Variants in ZBTB22 observed in about 807,000 individuals in gnomAD.
ZBTB22 encodes the protein zinc finger and BTB domain-containing protein 22.
For synonymous variants in ZBTB22, 356 were observed against 347.3 expected, an observed-to-expected ratio of 1.03 and a Z score of -0.28; for missense variants, 668 against 834.1, an observed-to-expected ratio of 0.80 and a Z score of 2.45.
In ZBTB22 at chr6:33,315,521, C is replaced by T; in HGVS notation, c.1396G>A (p.Val466Met). The T allele has an allele frequency of 6.2e-7, 1 of 1,613,920 alleles. No individual in the cohort carries two copies. The highest frequency in any genetic ancestry group is 8.5e-7 in the Non-Finnish European group (1 of 1,179,966). ...GGGACCCCACCAACGCTACCCGGCACACCCAGGCTCCCCACCGACGTGCCC... is the reference window on the plus strand; with the variant it reads ...GGGACCCCACCAACGCTACCCGGCATACCCAGGCTCCCCACCGACGTGCCC... ...VGGTSVGSLG[V>M]PGSVGGVPGG... The change falls in exon 2 of 2, where the codon GTG becomes ATG. Residue 466 changes from valine to methionine, a missense_variant. Coordinates refer to ENST00000431845, the MANE Select transcript of ZBTB22 (RefSeq NM_005453.5). The surrounding 1 kb of genome is among the most constrained non-coding windows in gnomAD (Gnocchi z 5.4).
In ZBTB22 at chr6:33,315,248, T is replaced by A. The variant is rs753262338; in HGVS notation, c.1669A>T (p.Met557Leu). 1 of 1,613,454 alleles carries A rather than the reference T, an allele frequency of 6.2e-7. No homozygotes were observed. The highest frequency in any genetic ancestry group is 8.5e-7 in the Non-Finnish European group (1 of 1,179,860). Reference sequence around the variant, plus strand: ...CGCTCACAGTGTCCTCGGTGGCGCATGAAGCTGTCTCGCCACATGAACTTC... The same window carrying A: ...CGCTCACAGTGTCCTCGGTGGCGCAAGAAGCTGTCTCGCCACATGAACTTC... Reference protein sequence around the residue: ...AKKFMWRDSFMRHRGHCERRH... With the variant: ...AKKFMWRDSFLRHRGHCERRH... The change falls in exon 2 of 2, where the codon ATG (methionine) becomes TTG (leucine). Residue 557 changes from methionine (M) to leucine (L), a missense_variant. Met to Leu is a conservative substitution (Grantham distance 15). Coordinates refer to ENST00000431845, the MANE Select transcript of ZBTB22 (RefSeq NM_005453.5). This position sits in a 1 kb window ranked among gnomAD's most constrained non-coding sequence, Gnocchi z 5.4.
rs757342658 is a variant in ZBTB22 at position 33,315,493 on chromosome 6, C to G, written c.1424G>C (p.Gly475Ala). The change falls in exon 2 of 2, where the codon GGA becomes GCA. Residue 475 changes from glycine to alanine, a missense_variant. Gly to Ala is a moderately conservative substitution (Grantham distance 60). Coordinates refer to ENST00000431845, the MANE Select transcript of ZBTB22 (RefSeq NM_005453.5). This position sits in a 1 kb window ranked among gnomAD's most constrained non-coding sequence, Gnocchi z 5.4. The stretch of plus-strand genomic sequence containing the variant: ...ATTCCCGTCCCCACTGCCAGTCCCT[C>G]CAGGGACCCCACCAACGCTACCCGG... ...GVPGSVGGVP[G>A]GTGSGDGNKI... 20 of 1,613,934 alleles carry G rather than the reference C, an allele frequency of 1.2e-5. No homozygotes were observed. Among genetic ancestry groups the G allele is most frequent in the Non-Finnish European group, 1.4e-5 (17 of 1,180,010 alleles).
At position 33,315,513 on chromosome 6, in the gene ZBTB22, A is replaced by C. The variant is rs746132232; in HGVS notation, c.1404T>G (p.Gly468=). The change falls in exon 2 of 2, where the codon GGT becomes GGG. Residue 468 remains glycine, a synonymous_variant. Transcript: ENST00000431845. The surrounding 1 kb of genome is among the most constrained non-coding windows in gnomAD (Gnocchi z 5.4). ...TCCCTCCAGGGACCCCACCAACGCTACCCGGCACACCCAGGCTCCCCACCG... is the reference window on the plus strand; with the variant it reads ...TCCCTCCAGGGACCCCACCAACGCTCCCCGGCACACCCAGGCTCCCCACCG... The part of the protein sequence containing the change: ...GTSVGSLGVP[G]SVGGVPGGTG... 1.2e-6 allele frequency: 2 copies of C among 1,612,850 alleles called. No homozygotes were observed. Among genetic ancestry groups the C allele is most frequent in the Admixed American group, 3.3e-5 (2 of 59,910 alleles).
At position 33,315,279 on chromosome 6, in the gene ZBTB22, G is replaced by A. The variant is rs1375609218; in HGVS notation, c.1638C>T (p.Cys546=). Reference sequence around the variant, plus strand: ...TGTCTCGCCACATGAACTTCTTGGCGCAGACTCCGCACTCGTAGGGCTTGA... The same window carrying A: ...TGTCTCGCCACATGAACTTCTTGGCACAGACTCCGCACTCGTAGGGCTTGA... ...TGLKPYECGV[C]AKKFMWRDSF... Residue 546 remains cysteine, a synonymous_variant, in exon 2 of 2, where the codon TGC becomes TGT. Coordinates refer to ENST00000431845, the MANE Select transcript of ZBTB22 (RefSeq NM_005453.5). The surrounding 1 kb of genome is among the most constrained non-coding windows in gnomAD (Gnocchi z 5.4). The A allele has an allele frequency of 2.5e-6, 4 of 1,613,916 alleles. No homozygotes were observed. The highest frequency in any genetic ancestry group is 3.4e-6 in the Non-Finnish European group (4 of 1,179,986).
Position 33,316,003 on chromosome 6 carries a change from T to C in ZBTB22, c.914A>G (p.Asn305Ser). Residue 305 changes from asparagine to serine, a missense_variant, in exon 2 of 2, where the codon AAT (asparagine) becomes AGT (serine). By Grantham distance (46) the Asn-to-Ser change is conservative. Transcript: ENST00000431845. The surrounding 1 kb of genome is among the most constrained non-coding windows in gnomAD (Gnocchi z 7.2). ...AACCAGGGGTGTTGGCGCTGGGCAA[T>C]TACCACCTCGCTTCACGTATACCCA... is the stretch of plus-strand genomic sequence containing the variant. ...KHWVYVKRGG[N>S]CPAPTPLVPQ... is the part of the protein sequence containing the mutation. 6.2e-7 allele frequency: 1 copy of C among 1,614,072 alleles called. No individual in the cohort carries two copies. The highest frequency in any genetic ancestry group is 1.6e-4 in the Middle Eastern group (1 of 6,062).
chr6:33,317,020 T>C, intron 1 of ZBTB22, 35 bp from the exon 2 acceptor site: 3 of 1,362,074 alleles, frequency 2.2e-6, no homozygotes, highest in East Asian at 2.5e-5. Flanking sequence ...AATGATAACA[T>C]CTCATAACGA....
In ZBTB22 at chr6:33,316,554, A is replaced by T; in HGVS notation, c.363T>A (p.Ala121=). ...SAYTGRLSMA[A]ADIVNFLTVG... is the part of the protein sequence containing the mutation. Reference sequence around the variant, plus strand: ...CTGTAAGGAAGTTGACAATGTCAGCAGCAGCCATGCTGAGGCGGCCAGTGT... The same window carrying T: ...CTGTAAGGAAGTTGACAATGTCAGCTGCAGCCATGCTGAGGCGGCCAGTGT... Residue 121 remains alanine, a synonymous_variant, in exon 2 of 2, where the codon GCT becomes GCA. Coordinates refer to ENST00000431845, the MANE Select transcript of ZBTB22 (RefSeq NM_005453.5). This position sits in a 1 kb window ranked among gnomAD's most constrained non-coding sequence, Gnocchi z 7.2. The T allele has an allele frequency of 6.2e-7, 1 of 1,614,216 alleles. No homozygotes were observed. The highest frequency in any genetic ancestry group is 8.5e-7 in the Non-Finnish European group (1 of 1,180,046).
Position 33,315,233 on chromosome 6 carries a change from G to A in ZBTB22, c.1684C>T (p.His562Tyr). The A allele has an allele frequency of 6.2e-7, 1 of 1,613,396 alleles. No homozygotes were observed. The highest frequency in any genetic ancestry group is 1.3e-5 in the African/African-American group (1 of 75,064). The change falls in exon 2 of 2, where the codon CAC becomes TAC. Residue 562 changes from histidine to tyrosine, a missense_variant. Physicochemically the swap from His to Tyr is moderately conservative, Grantham distance 83. Coordinates refer to ENST00000431845, the MANE Select transcript of ZBTB22 (RefSeq NM_005453.5). The surrounding 1 kb of genome is among the most constrained non-coding windows in gnomAD (Gnocchi z 5.4). The part of the protein sequence containing the change: ...WRDSFMRHRG[H>Y]CERRHRLGGV... Reference sequence around the variant, plus strand: ...CCCAGGCGGTGCCGGCGCTCACAGTGTCCTCGGTGGCGCATGAAGCTGTCT... The same window carrying A: ...CCCAGGCGGTGCCGGCGCTCACAGTATCCTCGGTGGCGCATGAAGCTGTCT...
Position 33,315,904 on chromosome 6 carries a change from T to TGA in ZBTB22, c.1012_1013insTC (p.Glu338ValfsTer4). Reference sequence around the variant, plus strand: ...AACCCTGGAGCTACCCCCTAGTTCTTCATCTTCATCATCCTCACAGGTCAA... The same window carrying TGA: ...AACCCTGGAGCTACCCCCTAGTTCTTGACATCTTCATCATCCTCACAGGTCAA... On this transcript the variant is annotated frameshift_variant, in exon 2 of 2. Coordinates refer to ENST00000431845, the MANE Select transcript of ZBTB22 (RefSeq NM_005453.5). LOFTEE classifies it low-confidence loss of function (END_TRUNC). The surrounding 1 kb of genome is among the most constrained non-coding windows in gnomAD (Gnocchi z 5.4). 6.2e-7 allele frequency: 1 copy of TGA among 1,613,942 alleles called. No individual in the cohort carries two copies. The highest frequency in any genetic ancestry group is 8.5e-7 in the Non-Finnish European group (1 of 1,179,968).
In ZBTB22 at chr6:33,315,360, G is replaced by C; in HGVS notation, c.1557C>G (p.Asn519Lys). ...NLRPFDCPVC[N>K]KKFKMKHHLT... The stretch of plus-strand genomic sequence containing the variant: ...GATGGTGCTTCATCTTGAACTTTTT[G>C]TTGCACACGGGGCAGTCAAACGGCC... The change falls in exon 2 of 2, where the codon AAC becomes AAG. Residue 519 changes from asparagine (N) to lysine (K), a missense_variant. Physicochemically the swap from Asn to Lys is moderately conservative, Grantham distance 94 (BLOSUM62 0). Transcript: ENST00000431845. This position sits in a 1 kb window ranked among gnomAD's most constrained non-coding sequence, Gnocchi z 5.4. 1.2e-6 allele frequency: 2 copies of C among 1,614,202 alleles called. No homozygotes were observed. The highest frequency in any genetic ancestry group is 1.7e-6 in the Non-Finnish European group (2 of 1,180,044).
upstream of ZBTB22, chr6:33,317,865 C>G: frequency 6.6e-6 from 1 of 151,888 alleles, no homozygotes; most frequent in Non-Finnish European, 1.5e-5. Context: ...AAAGAAACAT[C>G]GCCACATTCC....
upstream of ZBTB22, chr6:33,317,880 T>G (rs1458112966): frequency 6.6e-6 from 1 of 151,772 alleles, no homozygotes; most frequent in African/African-American, 2.4e-5. Flanking sequence ...CATTCCACCT[T>G]AAAAGATCAG....
rs146849310 is a variant in ZBTB22 at position 33,316,425 on chromosome 6, G to A, written c.492C>T (p.Thr164=). The change falls in exon 2 of 2, where the codon ACC becomes ACT. Residue 164 remains threonine, a synonymous_variant. Transcript: ENST00000431845. This position sits in a 1 kb window ranked among gnomAD's most constrained non-coding sequence, Gnocchi z 7.2. ...CCCCAGCACCAGGGACAGTGACAGA[G>A]GTGGCTGCAGCAGTAGTGATGGTGG... ...ATTTITTAAA[T]SVTVPGAGVP... 13 of 1,614,018 alleles carry A rather than the reference G, an allele frequency of 8.1e-6. No individual in the cohort carries two copies. The highest frequency in any genetic ancestry group is 2.7e-5 in the African/African-American group (2 of 74,942).
chr6:33,315,194 C>A lies in ZBTB22; in HGVS notation c.1723G>T (p.Val575Leu). 3 of 1,612,274 alleles carry A rather than the reference C, an allele frequency of 1.9e-6. No individual in the cohort carries two copies. Among genetic ancestry groups the A allele is most frequent in the Non-Finnish European group, 2.5e-6 (3 of 1,179,164 alleles). ...RRHRLGGVGA[V>L]PGPGTPTGPS... ...CCCGTGGGAGTCCCAGGCCCAGGTA[C>A]GGCCCCGACCCCGCCCAGGCGGTGC... is the stretch of plus-strand genomic sequence containing the variant. The change falls in exon 2 of 2, where the codon GTA (valine) becomes TTA (leucine). Residue 575 changes from valine (V) to leucine (L), a missense_variant. Transcript: ENST00000431845. This position sits in a 1 kb window ranked among gnomAD's most constrained non-coding sequence, Gnocchi z 5.4.
Position 33,315,983 on chromosome 6 carries a change from G to A in ZBTB22, c.934C>T (p.Leu312=). ...TCCAGATCTGGGTCTTGGGGAACCAGGGGTGTTGGCGCTGGGCAATTACCA... is the reference window on the plus strand; with the variant it reads ...TCCAGATCTGGGTCTTGGGGAACCAAGGGTGTTGGCGCTGGGCAATTACCA... ...RGGNCPAPTP[L]VPQDPDLEEE... Residue 312 remains leucine, a synonymous_variant, in exon 2 of 2, where the codon CTG becomes TTG. Transcript: ENST00000431845. This position sits in a 1 kb window ranked among gnomAD's most constrained non-coding sequence, Gnocchi z 5.4. 1 of 1,614,124 alleles carries A rather than the reference G, an allele frequency of 6.2e-7. No individual in the cohort carries two copies. Among genetic ancestry groups the A allele is most frequent in the Non-Finnish European group, 8.5e-7 (1 of 1,180,008 alleles).
rs118050845 is a variant in ZBTB22, at chr6:33,314,819, G to T, written c.*193C>A. ...AGGGTTTAGTTCTGGAAATACCTTG[G>T]GGGGGAGGGGTTGAGTAGTAGAATG... On this transcript the variant is annotated 3_prime_UTR_variant, in exon 2 of 2. Coordinates refer to ENST00000431845, the MANE Select transcript of ZBTB22 (RefSeq NM_005453.5). The T allele has an allele frequency of 1.2e-4, 137 of 1,119,204 alleles. No homozygotes were observed. Among genetic ancestry groups the T allele is most frequent in the East Asian group, 7.7e-4 (28 of 36,156 alleles). 69.3% of individuals were successfully genotyped at this position (1,119,204 alleles called of 1,614,324 possible).
rs541696204 is a variant in ZBTB22, at chr6:33,314,941, G to T, written c.*71C>A. ...AAGTGTGGTGGGAGATCACCCGGGG[G>T]CCACAGCGCCCTTGCATCGTGCTCC... On this transcript the variant is annotated 3_prime_UTR_variant, in exon 2 of 2. Coordinates refer to ENST00000431845, the MANE Select transcript of ZBTB22 (RefSeq NM_005453.5). The T allele has an allele frequency of 1.5e-5, 23 of 1,507,636 alleles. No individual in the cohort carries two copies. The East Asian group carries it at 2.5e-4, about 17-fold the overall frequency. The allele number at this position is 1,507,636 out of a possible 1,614,324, so 93.4% of individuals were successfully genotyped here.
rs1358187677 is a variant in ZBTB22, at chr6:33,315,498, G to A, written c.1419C>T (p.Val473=). ...SLGVPGSVGG[V]PGGTGSGDGN... The stretch of plus-strand genomic sequence containing the variant: ...CGTCCCCACTGCCAGTCCCTCCAGG[G>A]ACCCCACCAACGCTACCCGGCACAC... Residue 473 remains valine (V), a synonymous_variant, in exon 2 of 2, where the codon GTC becomes GTT. Transcript: ENST00000431845. The surrounding 1 kb of genome is among the most constrained non-coding windows in gnomAD (Gnocchi z 5.4). 2 of 1,613,888 alleles carry A rather than the reference G, an allele frequency of 1.2e-6. No individual in the cohort carries two copies. The highest frequency in any genetic ancestry group is 1.7e-6 in the Non-Finnish European group (2 of 1,179,970).
In ZBTB22 at chr6:33,315,407, C is replaced by T; in HGVS notation, c.1510G>A (p.Val504Met). Residue 504 changes from valine (V) to methionine (M), a missense_variant, in exon 2 of 2, where the codon GTG becomes ATG. Val to Met is a conservative substitution (Grantham distance 21). Coordinates refer to ENST00000431845, the MANE Select transcript of ZBTB22 (RefSeq NM_005453.5). This position sits in a 1 kb window ranked among gnomAD's most constrained non-coding sequence, Gnocchi z 5.4. Reference sequence around the variant, plus strand: ...GGCCGCAGATTGAGGTGCATGTTCACGTGCCGGTCCCGCATGCTCTTGTGG... The same window carrying T: ...GGCCGCAGATTGAGGTGCATGTTCATGTGCCGGTCCCGCATGCTCTTGTGG... The part of the protein sequence containing the change: ...FSHKSMRDRH[V>M]NMHLNLRPFD... 1 of 1,614,216 alleles carries T rather than the reference C, an allele frequency of 6.2e-7. No homozygotes were observed. Among genetic ancestry groups the T allele is most frequent in the Non-Finnish European group, 8.5e-7 (1 of 1,180,046 alleles).
Sources: gnomAD v4.1 joint callset for allele counts on GRCh38, gnomAD v4.1.1 for gene constraint, Gnocchi (gnomAD v3.1) non-coding constraint, MANE v1.5 for transcripts, NCBI Gene and HGNC (gene_info 2026-07-23, HGNC 2026-07-21) for gene names.